Variants in CFAP57 observed in about 807,000 individuals in gnomAD.
The protein encoded by CFAP57 is cilia- and flagella-associated protein 57.
Under a neutral mutation model 146.8 loss-of-function variants are expected in CFAP57, and 116 were observed. That is an observed-to-expected ratio of 0.79 (90% confidence interval 0.68 to 0.92). CFAP57 has a LOEUF of 0.92. CFAP57 is among the 40% of genes least tolerant of loss of function. The pLI is 0.00. For missense variants in CFAP57, 1,377 were observed against 1,527.2 expected, an observed-to-expected ratio of 0.90 and a Z score of 1.64; for synonymous variants, 518 against 552.8, an observed-to-expected ratio of 0.94 and a Z score of 0.88.
intron 22 of CFAP57, among the ~76,000 whole-genome samples, chr1:43,244,612 G>C (rs1179576078): frequency 6.6e-6 from 1 of 152,122 alleles, no homozygotes; most frequent in African/African-American, 2.4e-5. Flanking sequence ...CATAAAGACT[G>C]AGATACTTGG....
At chr1:43,249,636 G>T (rs11809237) in intron 22 of CFAP57, among the ~76,000 whole-genome samples, 2 of 129,240 alleles carry the variant, frequency 1.5e-5, no homozygotes, top group Non-Finnish European at 3.2e-5. Flanking sequence ...TAGAAATGGG[G>T]TTTCACCGTG....
At chr1:43,198,398 T>C in intron 7 of CFAP57, 83 bp from the exon 8 acceptor site, 1 of 1,454,344 alleles carries the variant, frequency 6.9e-7, no homozygotes, top group Non-Finnish European at 9.5e-7. Flanking sequence ...AATACGATGA[T>C]AACAATATAT....
At position 43,201,150 on chromosome 1, in the gene CFAP57, G is replaced by A. The variant is rs1019356143; in HGVS notation, c.1542+1647G>A. The stretch of plus-strand genomic sequence containing the variant: ...AAGATTCGGGGAATTAGAAAGTAGA[G>A]GAAGTCAGAGGCATAGATTAGATCA... On this transcript the variant is annotated intron_variant, in intron 9 of 22. Coordinates refer to ENST00000372492, the MANE Select transcript of CFAP57 (RefSeq NM_001378189.1). The surrounding 1 kb of genome is among the most constrained non-coding windows in gnomAD (Gnocchi z 4.4). 2.6e-5 allele frequency among the ~76,000 whole-genome samples: 4 copies of A among 152,128 alleles called. No homozygotes were observed. Among genetic ancestry groups the A allele is most frequent in the Non-Finnish European group, 4.4e-5 (3 of 68,034 alleles).
At chr1:43,243,971 C>T (rs1430848667) in intron 22 of CFAP57, among the ~76,000 whole-genome samples, 1 of 152,220 alleles carries the variant, frequency 6.6e-6, no homozygotes, top group Non-Finnish European at 1.5e-5. Context: ...TTATATCATG[C>T]TCATTGTATG....
At position 43,222,257 on chromosome 1, in the gene CFAP57, G is replaced by C. The variant is rs373207612; in HGVS notation, c.2494G>C (p.Glu832Gln). 6.8e-7 allele frequency: 1 copy of C among 1,475,630 alleles called. No individual in the cohort carries two copies. Among genetic ancestry groups the C allele is most frequent in the Non-Finnish European group, 9.0e-7 (1 of 1,109,382 alleles). The allele number at this position is 1,475,630 out of a possible 1,614,324, so 91.4% of individuals were successfully genotyped here. A position where few individuals can be genotyped will look rare whatever the true frequency, so the allele number is the denominator to read the frequency against. The change falls in exon 15 of 23, where the codon GAG becomes CAG. Residue 832 changes from glutamate (E) to glutamine (Q), a missense_variant. Physicochemically the swap from Glu to Gln is conservative, Grantham distance 29 (BLOSUM62 2). Coordinates refer to ENST00000372492, the MANE Select transcript of CFAP57 (RefSeq NM_001378189.1). ...QALEELTEFY[E>Q]AKLQEKTTLL... ...CCTGGAGGAGCTGACTGAGTTTTAC[G>C]AGGCAAAACTGCAGGAGAAAACCAC...
At chr1:43,224,928 A>C (rs1241373924) in intron 17 of CFAP57, among the ~76,000 whole-genome samples, 4 of 152,034 alleles carry the variant, frequency 2.6e-5, no homozygotes, top group Admixed American at 2.0e-4. Flanking sequence ...CTAAGCCTTC[A>C]TTTTCTCACC....
chr1:43,228,310 C>G (rs954151684), intron 18 of CFAP57, among the ~76,000 whole-genome samples: 25 of 152,256 alleles, frequency 1.6e-4, no homozygotes, highest in African/African-American at 6.0e-4. Context: ...AAGGCTCTTC[C>G]CCCAGATCGC....
intron 16 of CFAP57, among the ~76,000 whole-genome samples, chr1:43,223,734 A>G (rs1464654672): frequency 2.0e-5 from 3 of 152,198 alleles, no homozygotes; most frequent in Admixed American, 6.5e-5. Context: ...CAGTGTGGTC[A>G]TAGAAGTCTC....
Position 43,185,133 on chromosome 1 carries a change from G to GT in CFAP57, c.762-9dup. ...ATTGTCTCTATAAATTATGTATGCTGTTTTTTTGTTTCCAGCCTGATTGAA... is the reference window on the plus strand; with the variant it reads ...ATTGTCTCTATAAATTATGTATGCTGTTTTTTTTGTTTCCAGCCTGATTGAA... On this transcript the variant is annotated splice_polypyrimidine_tract_variant and intron_variant, in intron 4 of 22. Coordinates refer to ENST00000372492, the MANE Select transcript of CFAP57 (RefSeq NM_001378189.1). 1.9e-6 allele frequency: 3 copies of GT among 1,613,340 alleles called. No homozygotes were observed. Among genetic ancestry groups the GT allele is most frequent in the East Asian group, 2.2e-5 (1 of 44,874 alleles).
At chr1:43,211,612 A>C (rs1644619113) in intron 11 of CFAP57, 1 of 151,174 alleles carries the variant, frequency 6.6e-6, no homozygotes, top group South Asian at 2.1e-4. Context: ...TGGTATCATC[A>C]TTTCTTTGAT....
chr1:43,181,669 A>G lies in CFAP57; in HGVS notation c.293A>G (p.Lys98Arg). ...TCATCCATCCCTTGCCGGAAGCGCAAAGTTCTTAATAATTTTGACTTCCAA... is the reference window on the plus strand; with the variant it reads ...TCATCCATCCCTTGCCGGAAGCGCAGAGTTCTTAATAATTTTGACTTCCAA... The part of the protein sequence containing the change: ...ELSSIPCRKR[K>R]VLNNFDFQVQ... The change falls in exon 3 of 23, where the codon AAA becomes AGA. Residue 98 changes from lysine to arginine, a missense_variant. Lys to Arg is a conservative substitution (Grantham distance 26). Coordinates refer to ENST00000372492, the MANE Select transcript of CFAP57 (RefSeq NM_001378189.1). 1 of 1,614,186 alleles carries G rather than the reference A, an allele frequency of 6.2e-7. No homozygotes were observed. The highest frequency in any genetic ancestry group is 8.5e-7 in the Non-Finnish European group (1 of 1,180,030).
intron 19 of CFAP57, among the ~76,000 whole-genome samples, chr1:43,233,829 C>T (rs1313978101): frequency 2.0e-5 from 3 of 152,136 alleles, no homozygotes; most frequent in South Asian, 2.1e-4. Context: ...TCCTGACTAT[C>T]GGGAAGGGTA....
intron 6 of CFAP57, among the ~76,000 whole-genome samples, chr1:43,190,408 C>G (rs1447000271): frequency 6.6e-6 from 1 of 151,854 alleles, no homozygotes; most frequent in Non-Finnish European, 1.5e-5. Context: ...GTAGCTGGAG[C>G]TACAGGCGCC....
intron 9 of CFAP57, among the ~76,000 whole-genome samples, chr1:43,200,579 C>T (rs1300961291): frequency 6.6e-6 from 1 of 151,630 alleles, no homozygotes; most frequent in Non-Finnish European, 1.5e-5. Flanking sequence ...AGATGTGAGG[C>T]ATGATTAAGA....
intron 6 of CFAP57, among the ~76,000 whole-genome samples, chr1:43,188,985 G>A (rs559273657): frequency 3.9e-5 from 6 of 152,284 alleles, no homozygotes; most frequent in South Asian, 4.1e-4. Flanking sequence ...ATATCCAGTC[G>A]TCACAGCATC....
At chr1:43,246,657 C>T (rs542857228) in intron 22 of CFAP57, among the ~76,000 whole-genome samples, 6 of 152,172 alleles carry the variant, frequency 3.9e-5, no homozygotes, top group African/African-American at 7.2e-5. Flanking sequence ...GCACAGGCAA[C>T]GAAATAAAAA....
Position 43,214,908 on chromosome 1 carries a change from CCAT to C in CFAP57, c.1930-345_1930-343del, listed in dbSNP as rs1366939336. Among the ~76,000 whole-genome samples, 4 of 152,248 alleles carry C rather than the reference CCAT, an allele frequency of 2.6e-5. No individual in the cohort carries two copies. In the East Asian group the frequency reaches 7.7e-4, roughly 29 times the overall value. On this transcript the variant is annotated intron_variant, in intron 11 of 22. Transcript: ENST00000372492. Reference sequence around the variant, plus strand: ...GAGTATCTCTTCATGTGCTTACTTGCCATCTGTGTATTTTCCCTGGTGAAATGT... The same window carrying C: ...GAGTATCTCTTCATGTGCTTACTTGCCTGTGTATTTTCCCTGGTGAAATGT...
At chr1:43,190,586 G>A (rs760769042) in intron 6 of CFAP57, among the ~76,000 whole-genome samples, 5 of 151,832 alleles carry the variant, frequency 3.3e-5, no homozygotes, top group African/African-American at 9.7e-5. Flanking sequence ...AGTCTTTAAC[G>A]ATTAAGTTTG....
chr1:43,178,203 A>G (rs1360478085), intron 2 of CFAP57, among the ~76,000 whole-genome samples: 4 of 152,248 alleles, frequency 2.6e-5, no homozygotes, highest in Non-Finnish European at 4.4e-5. Context: ...AAACCTAGGC[A>G]ATACCATTCA....
Sources: gnomAD v4.1 joint callset for allele counts (sites outside exome capture counted in the v4.1 genomes callset) on GRCh38, gnomAD v4.1.1 for gene constraint, Gnocchi (gnomAD v3.1) non-coding constraint, MANE v1.5 for transcripts, NCBI Gene and HGNC (gene_info 2026-07-23, HGNC 2026-07-21) for gene names.